Variants in TDRD3 observed in about 807,000 individuals in gnomAD.
TDRD3 encodes tudor domain containing 3.
TDRD3 carries 45 observed loss-of-function variants against 86.7 expected under a neutral mutation model. That is an observed-to-expected ratio of 0.52 (90% CI 0.41 to 0.67). The LOEUF (loss-of-function observed/expected upper bound fraction) is 0.67. Ranked by LOEUF, TDRD3 falls within the 30% of genes least tolerant of loss-of-function variation. The pLI is 0.00. For synonymous variants in TDRD3, 298 were observed against 301.7 expected (o/e 0.99, Z 0.13); for missense variants, 814 against 889.0 (o/e 0.92, Z 1.07).
chr13:60,490,125 T>G (rs539264235), intron 7 of TDRD3, among the ~76,000 whole-genome samples: 1 of 151,256 alleles, frequency 6.6e-6, no homozygotes, highest in East Asian at 1.9e-4. Flanking sequence ...TATGGAGGCT[T>G]AAAACTAACA....
At chr13:60,537,695 G>A (rs923169581) in intron 12 of TDRD3, 3 of 151,984 alleles carry the variant, frequency 2.0e-5, no homozygotes, top group Non-Finnish European at 4.4e-5. Context: ...GGTTAGAGAG[G>A]CCTTAGCACA....
chr13:60,469,846 A>G (rs1956038008), intron 5 of TDRD3, among the ~76,000 whole-genome samples: 1 of 152,176 alleles, frequency 6.6e-6, no homozygotes, highest in Non-Finnish European at 1.5e-5. Flanking sequence ...GTGCCCCCAA[A>G]CTGTAGATTA....
At chr13:60,491,470 A>G (rs542829299) in intron 7 of TDRD3, among the ~76,000 whole-genome samples, 18 of 152,336 alleles carry the variant, frequency 1.2e-4, no homozygotes, top group African/African-American at 3.8e-4. Flanking sequence ...TAACACTTCA[A>G]TTTGAACTTA....
intron 13 of TDRD3, among the ~76,000 whole-genome samples, chr13:60,570,506 C>T (rs1958563628): frequency 6.6e-6 from 1 of 152,236 alleles, no homozygotes; most frequent in Non-Finnish European, 1.5e-5. Flanking sequence ...AAGTTGGTTC[C>T]TAAAAAAACT....
Position 60,509,893 on chromosome 13 carries a change from A to T in TDRD3, c.989A>T (p.Lys330Ile). Reference protein sequence around the residue: ...LNVLLTSNKQKPVMGPPLRGR... With the variant: ...LNVLLTSNKQIPVMGPPLRGR... ...GTACTTCTTACAAGCAATAAACAGA[A>T]ACCTGTTATGGGTCCTCCTCTGAGA... is the stretch of plus-strand genomic sequence containing the variant. Residue 330 changes from lysine to isoleucine, a missense_variant, in exon 9 of 14, where the codon AAA becomes ATA. Transcript: ENST00000377881. 1 of 1,613,674 alleles carries T rather than the reference A, an allele frequency of 6.2e-7. No individual in the cohort carries two copies. The highest frequency in any genetic ancestry group is 8.5e-7 in the Non-Finnish European group (1 of 1,179,618).
At chr13:60,397,569 G>A (rs1235529697) in intron 1 of TDRD3, among the ~76,000 whole-genome samples, 164 bp downstream of exon 1, 1 of 149,474 alleles carries the variant, frequency 6.7e-6, no homozygotes, top group Non-Finnish European at 1.5e-5. Flanking sequence ...GGCGCCACGC[G>A]GAGCCCTGCG....
chr13:60,562,474 AAGC>A (rs1292859058), intron 12 of TDRD3, among the ~76,000 whole-genome samples: 1 of 152,232 alleles, frequency 6.6e-6, no homozygotes, highest in African/African-American at 2.4e-5. Flanking sequence ...TGTTTTGGGA[AAGC>A]AGATTTGTCT....
chr13:60,545,037 T>C (rs1957907407), intron 12 of TDRD3, among the ~76,000 whole-genome samples: 1 of 152,236 alleles, frequency 6.6e-6, no homozygotes, highest in African/African-American at 2.4e-5. Flanking sequence ...GACAGTTTAA[T>C]ATGATAGCTT....
chr13:60,465,958 T>C (rs1294020820), intron 4 of TDRD3, among the ~76,000 whole-genome samples: 1 of 152,198 alleles, frequency 6.6e-6, no homozygotes. Flanking sequence ...TGGATTTCTT[T>C]CCTTGTTTTC....
intron 1 of TDRD3, among the ~76,000 whole-genome samples, chr13:60,428,289 T>A (rs73542959): frequency 2.0e-4 from 31 of 151,418 alleles, no homozygotes; most frequent in South Asian, 4.2e-4. Context: ...AAAGACTGTC[T>A]CTAAATAAAG....
At position 60,485,953 on chromosome 13, in the gene TDRD3, G is replaced by A; in HGVS notation, c.717+5G>A. 1 of 1,596,890 alleles carries A rather than the reference G, an allele frequency of 6.3e-7. No individual in the cohort carries two copies. The highest frequency in any genetic ancestry group is 8.5e-7 in the Non-Finnish European group (1 of 1,173,648). ...GAAGTTGCAAAGAGCAAGGAAGTAA[G>A]AAATCAAATCATTACACGTTTTATT... On this transcript the variant is annotated splice_donor_5th_base_variant and intron_variant, in intron 7 of 13. Transcript: ENST00000377881.
At position 60,412,380 on chromosome 13, in the gene TDRD3, A is replaced by T. The variant is rs570585475; in HGVS notation, c.41+14975A>T. ...TTTACTTAATATTCTTCTACTTTTT[A>T]AAAAATAGTGATATCACTTATTTTT... On this transcript the variant is annotated intron_variant, in intron 1 of 13. Transcript: ENST00000377881. Among the ~76,000 whole-genome samples, 356 of 152,238 alleles carry T rather than the reference A, an allele frequency of 2.3e-3. 3 individuals carry two copies. Among genetic ancestry groups the T allele is most frequent in the African/African-American group, 7.5e-3 (311 of 41,542 alleles).
chr13:60,504,690 G>A lies in TDRD3; in HGVS notation c.859-5073G>A, dbSNP rs188624761. Among the ~76,000 whole-genome samples, 457 of 152,300 alleles carry A rather than the reference G, an allele frequency of 3.0e-3. 2 individuals are homozygous for A. The highest frequency in any genetic ancestry group is 0.011 in the African/African-American group (443 of 41,548). The stretch of plus-strand genomic sequence containing the variant: ...ACAGCTCCGGCCTGCAGCTCCTAGC[G>A]AGACTAAGGCAGAAGGCAGGTGATT... On this transcript the variant is annotated intron_variant, in intron 8 of 13. Transcript: ENST00000377881.
At chr13:60,398,906 T>G (rs1954018623) in intron 1 of TDRD3, among the ~76,000 whole-genome samples, 1 of 152,252 alleles carries the variant, frequency 6.6e-6, no homozygotes. Flanking sequence ...CTTGGATCCC[T>G]CTTTCATTTG....
intron 1 of TDRD3, among the ~76,000 whole-genome samples, chr13:60,420,799 C>T (rs1043836805): frequency 2.0e-5 from 3 of 151,956 alleles, no homozygotes; most frequent in Non-Finnish European, 4.4e-5. Flanking sequence ...AAAAAATTAG[C>T]CGGGCGTGAT....
At chr13:60,402,404 AAG>A (rs1221903322) in intron 1 of TDRD3, among the ~76,000 whole-genome samples, 2 of 152,232 alleles carry the variant, frequency 1.3e-5, no homozygotes, top group Non-Finnish European at 2.9e-5. Flanking sequence ...TGCATATAAT[AAG>A]AGGGTATTAG....
intron 1 of TDRD3, among the ~76,000 whole-genome samples, chr13:60,403,214 G>A (rs1045084906): frequency 1.3e-5 from 2 of 151,308 alleles, no homozygotes; most frequent in Non-Finnish European, 2.9e-5. Context: ...GCATAAAGGG[G>A]GTATAAAAAG....
intron 4 of TDRD3, among the ~76,000 whole-genome samples, chr13:60,462,258 A>G (rs560378017): frequency 6.6e-6 from 1 of 152,332 alleles, no homozygotes; most frequent in African/African-American, 2.4e-5. Flanking sequence ...GTAATGGCTC[A>G]TTCTCTGATT....
chr13:60,452,817 T>G (rs1304695762), intron 3 of TDRD3, among the ~76,000 whole-genome samples: 4 of 43,916 alleles, frequency 9.1e-5, no homozygotes, highest in Admixed American at 2.1e-4. Context: ...TGTTCTTAGT[T>G]TTTTTTTTTT....
Sources: gnomAD v4.1 joint callset for allele counts (sites outside exome capture counted in the v4.1 genomes callset) on GRCh38, gnomAD v4.1.1 for gene constraint, MANE v1.5 for transcripts, NCBI Gene and HGNC (gene_info 2026-07-23, HGNC 2026-07-21) for gene names.